Variants in ZNF277 observed in about 807,000 individuals in gnomAD.
ZNF277 encodes the protein zinc finger protein 277, also known as nuclear receptor-interacting factor 4.
In ZNF277, 55 loss-of-function variants were observed where a neutral mutation model predicts 60.7. That is an observed-to-expected ratio of 0.91 (90% confidence interval 0.73 to 1.13). The LOEUF is 1.13. ZNF277 is among the 50% of genes most tolerant of loss of function. ZNF277 has a pLI of 0.00. For synonymous variants in ZNF277, 178 were observed against 179.3 expected, an observed-to-expected ratio of 0.99 and a Z score of 0.06; for missense variants, 510 against 523.0, an observed-to-expected ratio of 0.98 and a Z score of 0.24.
chr7:112,301,431 A>G (rs2117085416), intron 4 of ZNF277, among the ~76,000 whole-genome samples: 1 of 152,338 alleles, frequency 6.6e-6, no homozygotes, highest in South Asian at 2.1e-4. Flanking sequence ...TGTTTATTCA[A>G]CAAATATTTA....
chr7:112,313,283 T>C (rs951831170), intron 4 of ZNF277, among the ~76,000 whole-genome samples: 1 of 88,050 alleles, frequency 1.1e-5, no homozygotes, highest in Non-Finnish European at 2.2e-5. Context: ...TGTTTTAAAA[T>C]TTTTTTTTTT....
chr7:112,246,139 T>A (rs1791079291), intron 1 of ZNF277, among the ~76,000 whole-genome samples: 1 of 152,084 alleles, frequency 6.6e-6, no homozygotes, highest in Non-Finnish European at 1.5e-5. Flanking sequence ...ATCTTACTAT[T>A]TTGGGAGGCT....
At chr7:112,299,412 G>A (rs1321468689) in intron 4 of ZNF277, among the ~76,000 whole-genome samples, 1 of 152,122 alleles carries the variant, frequency 6.6e-6, no homozygotes, top group Non-Finnish European at 1.5e-5. Flanking sequence ...TACTTCTTCA[G>A]CTGCTTTTAA....
At chr7:112,304,253 C>T (rs1449505272) in intron 4 of ZNF277, among the ~76,000 whole-genome samples, 1 of 152,062 alleles carries the variant, frequency 6.6e-6, no homozygotes, top group Non-Finnish European at 1.5e-5. Flanking sequence ...ACATGCAGAG[C>T]TGTGTGTTTA....
At chr7:112,240,347 G>A (rs1227969584) in intron 1 of ZNF277, among the ~76,000 whole-genome samples, 2 of 152,148 alleles carry the variant, frequency 1.3e-5, no homozygotes, top group Admixed American at 1.3e-4. Flanking sequence ...TGAATAAGAT[G>A]TAGTATTTGA....
intron 1 of ZNF277, among the ~76,000 whole-genome samples, chr7:112,243,551 C>A (rs1791009422): frequency 6.8e-6 from 1 of 147,446 alleles, no homozygotes; most frequent in African/African-American, 2.5e-5. Flanking sequence ...AGAAGACATA[C>A]AAATGGCCAA....
At chr7:112,227,989 C>T (rs990383953) in intron 1 of ZNF277, among the ~76,000 whole-genome samples, 3 of 151,770 alleles carry the variant, frequency 2.0e-5, no homozygotes, top group South Asian at 4.2e-4. Context: ...GAAATTTATT[C>T]GCTCACAGTT....
chr7:112,239,024 G>T (rs937598679), intron 1 of ZNF277, among the ~76,000 whole-genome samples: 4 of 152,056 alleles, frequency 2.6e-5, no homozygotes, highest in African/African-American at 9.7e-5. Context: ...GAACCCTGGA[G>T]CCTTGAATAA....
rs141962309 is a variant in ZNF277 at position 112,266,411 on chromosome 7, T to G, written c.92-20462T>G. 6.1e-3 allele frequency among the ~76,000 whole-genome samples: 936 copies of G among 152,306 alleles called. 8 individuals carry two copies. The highest frequency in any genetic ancestry group is 0.011 in the Non-Finnish European group (726 of 68,026). ...ATCCATCCTCCTCAGCCTGTCAAAC[T>G]GCTGGGATTACAGGCAAGAGTCACA... On this transcript the variant is annotated intron_variant, in intron 1 of 11. Transcript: ENST00000361822.
chr7:112,250,662 G>T (rs888189883), intron 1 of ZNF277, among the ~76,000 whole-genome samples: 1 of 152,118 alleles, frequency 6.6e-6, no homozygotes, highest in Non-Finnish European at 1.5e-5. Context: ...GAATATCGGG[G>T]CAGGTTCCCC....
At chr7:112,340,256 A>G (rs183442582) in intron 10 of ZNF277, among the ~76,000 whole-genome samples, 2 of 152,312 alleles carry the variant, frequency 1.3e-5, no homozygotes, top group Admixed American at 1.3e-4. Context: ...CAGGTCAGAA[A>G]AATGTTATGA....
At chr7:112,232,498 A>G (rs1157005338) in intron 1 of ZNF277, among the ~76,000 whole-genome samples, 2 of 152,200 alleles carry the variant, frequency 1.3e-5, no homozygotes, top group African/African-American at 4.8e-5. Context: ...TGAGGTTACT[A>G]GAAGTGCAAG....
intron 1 of ZNF277, among the ~76,000 whole-genome samples, chr7:112,277,244 G>A (rs551090026): frequency 9.9e-5 from 15 of 151,852 alleles, no homozygotes; most frequent in East Asian, 7.8e-4. Context: ...CCACCAGCCC[G>A]GCTAATTTTT....
At chr7:112,238,692 T>C (rs1401691096) in intron 1 of ZNF277, among the ~76,000 whole-genome samples, 1 of 152,030 alleles carries the variant, frequency 6.6e-6, no homozygotes, top group Admixed American at 6.6e-5. Flanking sequence ...AAGAAGACTT[T>C]GTTTTGCAAT....
intron 1 of ZNF277, among the ~76,000 whole-genome samples, chr7:112,233,905 C>G (rs934600509): frequency 6.6e-6 from 1 of 151,646 alleles, no homozygotes; most frequent in African/African-American, 2.4e-5. Flanking sequence ...AATTAAAGTT[C>G]TTATTGCTTT....
chr7:112,250,353 T>G (rs1247227635), intron 1 of ZNF277, among the ~76,000 whole-genome samples: 1 of 152,184 alleles, frequency 6.6e-6, no homozygotes, highest in African/African-American at 2.4e-5. Flanking sequence ...ATTAGCAATT[T>G]TAATTTAGCC....
intron 5 of ZNF277, among the ~76,000 whole-genome samples, chr7:112,322,902 G>A (rs1793015978): frequency 6.6e-6 from 1 of 152,128 alleles, no homozygotes; most frequent in African/African-American, 2.4e-5. Context: ...TGTGTGTTTA[G>A]TGACTTTCCT....
intron 1 of ZNF277, among the ~76,000 whole-genome samples, chr7:112,235,564 A>G (rs1360963799): frequency 1.3e-5 from 2 of 152,010 alleles, no homozygotes; most frequent in East Asian, 3.9e-4. Flanking sequence ...ACTTTTGGGG[A>G]AAATGTCTAT....
At chr7:112,224,338 A>G (rs1404237954) in intron 1 of ZNF277, among the ~76,000 whole-genome samples, 3 of 152,262 alleles carry the variant, frequency 2.0e-5, no homozygotes, top group Admixed American at 6.5e-5. Flanking sequence ...AAGAAAGTTT[A>G]CAAATTTGTG....
Sources: allele counts gnomAD v4.1 joint callset (sites outside exome capture counted in the v4.1 genomes callset), GRCh38; gene constraint gnomAD v4.1.1; transcripts MANE v1.5; gene names NCBI Gene and HGNC (gene_info 2026-07-23, HGNC 2026-07-21).